The following ASPM variants were observed in gnomAD, a reference collection of about 807,000 sequenced individuals.
ASPM encodes abnormal spindle-like microcephaly-associated protein.
In ASPM, 256 loss-of-function variants were observed where a neutral mutation model predicts 366.4. The observed-to-expected ratio is 0.70, with a 90% confidence interval of 0.63 to 0.77. ASPM has a LOEUF of 0.77. Ranked by LOEUF, ASPM falls within the 30% of genes least tolerant of loss-of-function variation. The pLI, the probability that ASPM is intolerant of heterozygous loss-of-function variation, is 0.00. For missense variants in ASPM, 4,146 were observed against 4,090.4 expected (o/e 1.01, Z -0.37); for synonymous variants, 1,414 against 1,342.9 (o/e 1.05, Z -1.16).
chr1:197,127,993 G>A (rs935778780), intron 10 of ASPM, among the ~76,000 whole-genome samples: 4 of 151,558 alleles, frequency 2.6e-5, no homozygotes, highest in African/African-American at 7.3e-5. Flanking sequence ...GTGAAACCCC[G>A]TCTCTACTAA....
chr1:197,118,131 T>G (rs898626662), intron 16 of ASPM, 148 bp from the exon 17 acceptor site: 12 of 783,398 alleles, frequency 1.5e-5, no homozygotes, highest in Non-Finnish European at 1.9e-5. Flanking sequence ...TTTGGAATAC[T>G]GATAATTCCA....
At chr1:197,097,816 T>C (rs948912673) in intron 18 of ASPM, among the ~76,000 whole-genome samples, 1 of 151,652 alleles carries the variant, frequency 6.6e-6, no homozygotes, top group Non-Finnish European at 1.5e-5. Flanking sequence ...GTGGACCATT[T>C]TGGTGTTTTT....
Position 197,103,142 on chromosome 1 carries a change from TCA to T in ASPM, c.6107_6108del (p.Val2036GlufsTer17). ...TLQSAYRGMK[V>X]RKRIKDCNKA... ...TTGTTGCAATCCTTTATTCTTTTTC[TCA>T]CTTTCATACCACGATAAGCTGACTG... On this transcript the variant is annotated frameshift_variant, in exon 18 of 28. Coordinates refer to ENST00000367409, the MANE Select transcript of ASPM (RefSeq NM_018136.5). LOFTEE classifies it high-confidence loss of function. The T allele has an allele frequency of 6.2e-7, 1 of 1,612,856 alleles. No individual in the cohort carries two copies. Among genetic ancestry groups the T allele is most frequent in the African/African-American group, 1.3e-5 (1 of 74,956 alleles).
At chr1:197,105,312 T>A in intron 17 of ASPM, 127 bp from the exon 18 acceptor site, 1 of 776,702 alleles carries the variant, frequency 1.3e-6, no homozygotes, top group Non-Finnish European at 2.0e-6. Flanking sequence ...AACTAATTAT[T>A]TTTGTGAGAT....
chr1:197,141,442 A>G (rs985253532), intron 3 of ASPM, among the ~76,000 whole-genome samples: 2 of 152,158 alleles, frequency 1.3e-5, no homozygotes, highest in East Asian at 3.8e-4. Flanking sequence ...GTAATCTCAA[A>G]CCTATATCAA....
At chr1:197,121,703 T>C (rs1657908665) in intron 16 of ASPM, among the ~76,000 whole-genome samples, 1 of 152,024 alleles carries the variant, frequency 6.6e-6, no homozygotes, top group African/African-American at 2.4e-5. Context: ...GGTGAAGGGG[T>C]GGACAGACTG....
In ASPM at chr1:197,104,124, C is replaced by T; in HGVS notation, c.5127G>A (p.Gln1709=). The part of the protein sequence containing the change: ...LHLRAAALFI[Q]QCYRSKKIAA... ...CTATTTTTTTGGAACGGTAACATTG[C>T]TGGATAAATAGTGCAGCTGCTCTTA... Residue 1709 remains glutamine (Q), a synonymous_variant, in exon 18 of 28, where the codon CAG becomes CAA. Coordinates refer to ENST00000367409, the MANE Select transcript of ASPM (RefSeq NM_018136.5). 7 of 1,612,918 alleles carry T rather than the reference C, an allele frequency of 4.3e-6. No homozygotes were observed. Among genetic ancestry groups the T allele is most frequent in the Non-Finnish European group, 5.9e-6 (7 of 1,179,418 alleles).
Position 197,118,125 on chromosome 1 carries a change from G to A in ASPM, c.3871-142C>T, listed in dbSNP as rs1385450170. The A allele has an allele frequency of 3.7e-6, 3 of 804,828 alleles. No homozygotes were observed. In the East Asian group the frequency reaches 7.9e-5, roughly 21 times the overall value. 49.9% of individuals were successfully genotyped at this position (804,828 alleles called of 1,614,324 possible). ...CCTACACTTCTTGTGTTCATCTTTG[G>A]AATACTGATAATTCCAGGCATGTCG... is the stretch of plus-strand genomic sequence containing the variant. On this transcript the variant is annotated intron_variant, in intron 16 of 27. Transcript: ENST00000367409.
intron 8 of ASPM, among the ~76,000 whole-genome samples, chr1:197,129,646 A>C (rs1658201219): frequency 6.6e-6 from 1 of 152,174 alleles, no homozygotes; most frequent in Non-Finnish European, 1.5e-5. Context: ...TAGGTGTTAG[A>C]TATACAGTAC....
intron 16 of ASPM, among the ~76,000 whole-genome samples, chr1:197,120,569 G>A (rs1657878110): frequency 6.6e-6 from 1 of 152,030 alleles, no homozygotes; most frequent in Admixed American, 6.6e-5. Flanking sequence ...AGGCTATCTT[G>A]AGCAGAAAAT....
At position 197,088,293 on chromosome 1, in the gene ASPM, AAAC is replaced by A. The variant is rs1385075246; in HGVS notation, c.10121_10123del (p.Cys3374del). On this transcript the variant is annotated inframe_deletion, in exon 26 of 28. Transcript: ENST00000367409. ...TGTTGTCTTCAGTAAAATAGCCAAC[AAAC>A]AACAAGTTTTTGTAAAAATGCTTCC... 3.7e-6 allele frequency: 6 copies of A among 1,613,466 alleles called. No individual in the cohort carries two copies. Among genetic ancestry groups the A allele is most frequent in the Non-Finnish European group, 5.1e-6 (6 of 1,179,722 alleles).
intron 17 of ASPM, among the ~76,000 whole-genome samples, chr1:197,117,459 A>G (rs1657769290): frequency 6.6e-6 from 1 of 152,150 alleles, no homozygotes; most frequent in Admixed American, 6.6e-5. Context: ...CAAAGCAAAG[A>G]TAAAAAAGAA....
At chr1:197,091,402 AT>A (rs746856085) in intron 22 of ASPM, among the ~76,000 whole-genome samples, 1 of 152,076 alleles carries the variant, frequency 6.6e-6, no homozygotes, top group Non-Finnish European at 1.5e-5. Flanking sequence ...CTTCTTCAAA[AT>A]ACATAAAGAA....
At position 197,132,361 on chromosome 1, in the gene ASPM, C is replaced by T. The variant is rs1397772001; in HGVS notation, c.2420-9G>A. On this transcript the variant is annotated splice_polypyrimidine_tract_variant and intron_variant, in intron 6 of 27. Coordinates refer to ENST00000367409, the MANE Select transcript of ASPM (RefSeq NM_018136.5). Reference sequence around the variant, plus strand: ...GACTTTCTGACGTTCTCCTGAAATGCATGTCAAAGGCAAATAAGTTCAAAT... The same window carrying T: ...GACTTTCTGACGTTCTCCTGAAATGTATGTCAAAGGCAAATAAGTTCAAAT... The T allele has an allele frequency of 6.2e-7, 1 of 1,611,862 alleles. No homozygotes were observed. The highest frequency in any genetic ancestry group is 8.5e-7 in the Non-Finnish European group (1 of 1,178,390).
intron 7 of ASPM, among the ~76,000 whole-genome samples, chr1:197,131,829 G>A (rs1187684807): frequency 1.3e-5 from 2 of 151,958 alleles, no homozygotes; most frequent in East Asian, 3.9e-4. Context: ...AAAGTGCTCG[G>A]ATTACAGCAT....
chr1:197,113,081 G>A (rs1042788684), intron 17 of ASPM, among the ~76,000 whole-genome samples: 22 of 152,268 alleles, frequency 1.4e-4, no homozygotes, highest in African/African-American at 5.1e-4. Context: ...CATTTAGCTG[G>A]AGGCCATTAT....
At chr1:197,129,383 GATAATA>G (rs773589707) in intron 8 of ASPM, 66 bp from the exon 9 acceptor site, 14 of 1,505,252 alleles carry the variant, frequency 9.3e-6, no homozygotes, top group African/African-American at 5.6e-5. Flanking sequence ...CTTAAAATAT[GATAATA>G]ATAATAATAA....
chr1:197,118,316 A>C (rs1657801611), intron 16 of ASPM, among the ~76,000 whole-genome samples: 1 of 152,124 alleles, frequency 6.6e-6, no homozygotes, highest in African/African-American at 2.4e-5. Flanking sequence ...ATTCAGGTCC[A>C]CTGAATTCAT....
Position 197,103,178 on chromosome 1 carries a change from C to G in ASPM, c.6073G>C (p.Val2025Leu). 3 of 1,612,582 alleles carry G rather than the reference C, an allele frequency of 1.9e-6. No homozygotes were observed. Among genetic ancestry groups the G allele is most frequent in the Non-Finnish European group, 2.5e-6 (3 of 1,179,316 alleles). ...HLYLKTKAAV[V>L]TLQSAYRGMK... is the part of the protein sequence containing the mutation. The stretch of plus-strand genomic sequence containing the variant: ...CCACGATAAGCTGACTGTAAAGTTA[C>G]TACAGCTGCTTTTGTTTTCAAATAT... The change falls in exon 18 of 28, where the codon GTA becomes CTA. Residue 2025 changes from valine to leucine, a missense_variant. Val to Leu is a conservative substitution (Grantham distance 32, BLOSUM62 1). This residue lies in a region of ASPM where 3,624 missense variants were observed against 3,591.7 expected (regional missense o/e 1.01). Coordinates refer to ENST00000367409, the MANE Select transcript of ASPM (RefSeq NM_018136.5).
Sources: gnomAD v4.1 joint callset for allele counts (sites outside exome capture counted in the v4.1 genomes callset) on GRCh38, gnomAD v4.1.1 for gene constraint, gnomAD v4.1.1 regional missense constraint, MANE v1.5 for transcripts, NCBI Gene and HGNC (gene_info 2026-07-23, HGNC 2026-07-21) for gene names.